KANK3: variants seen among roughly 807,000 people sequenced by gnomAD.
KANK3 encodes the protein KN motif and ankyrin repeat domains 3.
In KANK3, 61 loss-of-function variants were observed where a neutral mutation model predicts 65.4. The ratio of observed to expected loss-of-function variants is 0.93; its 90% CI spans 0.76 to 1.15. The LOEUF (loss-of-function observed/expected upper bound fraction) is 1.15, where lower values mean the gene tolerates loss of function less well. Ranked by LOEUF, KANK3 falls within the 50% of genes most tolerant of loss-of-function variation. The probability of loss-of-function intolerance (pLI) is 0.00; values close to 1 mark genes in which losing one functional copy is unlikely to be tolerated. For synonymous variants in KANK3, 586 were observed against 543.3 expected, an observed-to-expected ratio of 1.08 and a Z score of -1.09; for missense variants, 1,187 against 1,178.8, an observed-to-expected ratio of 1.01 and a Z score of -0.10.
chr19:8,342,692 G>A (rs530598561), intron 1 of KANK3, among the ~76,000 whole-genome samples: 9 of 147,400 alleles, frequency 6.1e-5, no homozygotes, highest in African/African-American at 1.5e-4. Flanking sequence ...GTGGGTGGGG[G>A]ACCGGTGGCG....
chr19:8,323,253 C>G (rs1441738976), intron 10 of KANK3: 1 of 193,378 alleles, frequency 5.2e-6, no homozygotes. Context: ...TAAGCTTGTT[C>G]AGAACGCCTT....
At chr19:8,329,585 G>A (rs1304965814) in intron 7 of KANK3, among the ~76,000 whole-genome samples, 3 of 151,468 alleles carry the variant, frequency 2.0e-5, no homozygotes, top group African/African-American at 7.3e-5. Flanking sequence ...AACAGCCTAG[G>A]CTCTGTTCCT....
Position 8,335,785 on chromosome 19 carries a change from G to T in KANK3, c.42C>A (p.Gly14=), listed in dbSNP as rs1970627631. The change falls in exon 3 of 11, where the codon GGC becomes GGA. Residue 14 remains glycine (G), a synonymous_variant. Transcript: ENST00000330915. The stretch of plus-strand genomic sequence containing the variant: ...CGGGGACCGGGCACAGGCGGGGGCC[G>T]CCCAGGTCTGGAGGCACGACGGGGG... ...FALNQNLPDL[G]GPRLCPVPAA... The T allele has an allele frequency of 8.1e-7, 1 of 1,235,882 alleles. No individual in the cohort carries two copies. The highest frequency in any genetic ancestry group is 3.2e-5 in the East Asian group (1 of 31,652). The allele number at this position is 1,235,882 out of a possible 1,614,324, so 76.6% of individuals were successfully genotyped here.
intron 1 of KANK3, among the ~76,000 whole-genome samples, chr19:8,340,799 C>G (rs960753190): frequency 2.6e-5 from 4 of 152,216 alleles, no homozygotes; most frequent in African/African-American, 9.6e-5. Context: ...CTTCCAGTCC[C>G]CAAGCAGCTG....
intron 7 of KANK3, chr19:8,332,623 C>G (rs1157482685): frequency 2.0e-5 from 3 of 153,114 alleles, no homozygotes; most frequent in South Asian, 2.1e-4. Flanking sequence ...TCAAGACCAT[C>G]CTGGCCAACA....
At chr19:8,331,475 C>A (rs1432164717) in intron 7 of KANK3, among the ~76,000 whole-genome samples, 1 of 152,114 alleles carries the variant, frequency 6.6e-6, no homozygotes, top group Non-Finnish European at 1.5e-5. Flanking sequence ...TGGGGGCAGG[C>A]AGTGGGACCC....
chr19:8,325,879 T>C (rs1045346996), intron 7 of KANK3, among the ~76,000 whole-genome samples: 1 of 151,398 alleles, frequency 6.6e-6, no homozygotes, highest in African/African-American at 2.5e-5. Flanking sequence ...CAGGCTGGAG[T>C]GCAGTGGCAC....
chr19:8,334,851 C>T lies in KANK3; in HGVS notation c.976G>A (p.Gly326Ser). 1 of 1,468,692 alleles carries T rather than the reference C, an allele frequency of 6.8e-7. No individual in the cohort carries two copies. 91.0% of individuals were successfully genotyped at this position (1,468,692 alleles called of 1,614,324 possible). The part of the protein sequence containing the change: ...AQAVPETREA[G>S]VEAAPETVEA... The stretch of plus-strand genomic sequence containing the variant: ...ACGGTCTCGGGGGCAGCCTCCACGC[C>T]GGCCTCCCGGGTCTCCGGCACGGCC... The change falls in exon 3 of 11, where the codon GGC becomes AGC. Residue 326 changes from glycine (G) to serine (S), a missense_variant. Transcript: ENST00000330915.
intron 2 of KANK3, among the ~76,000 whole-genome samples, 160 bp from the exon 3 acceptor site, chr19:8,335,952 T>C (rs2145435956): frequency 6.6e-6 from 1 of 152,346 alleles, no homozygotes; most frequent in Non-Finnish European, 1.5e-5. Context: ...TACTCTGTGC[T>C]AAGCAAGTTT....
chr19:8,341,001 G>T (rs1458342075), intron 1 of KANK3, among the ~76,000 whole-genome samples: 1 of 152,074 alleles, frequency 6.6e-6, no homozygotes, highest in African/African-American at 2.4e-5. Flanking sequence ...TGACGCAATG[G>T]GGTCAGCGTC....
chr19:8,324,376 A>G (rs1599638846), intron 10 of KANK3, 73 bp downstream of exon 10: 26 of 1,355,328 alleles, frequency 1.9e-5, no homozygotes, highest in Non-Finnish European at 2.6e-5. Context: ...AGGGAGGCTC[A>G]GGGCATATTT....
rs1304672045 is a variant in KANK3, at chr19:8,333,996, C to T, written c.1548G>A (p.Ser516=). 15 of 1,558,662 alleles carry T rather than the reference C, an allele frequency of 9.6e-6. No homozygotes were observed. The part of the protein sequence containing the change: ...SGDDSGGGSD[S]GTPGPPSGGD... ...CGCCGCTGGGAGGGCCAGGGGTGCC[C>T]GAGTCGGATCCCCCGCCGCTGTCAT... The change falls in exon 5 of 11, where the codon TCG becomes TCA. Residue 516 remains serine (S), a synonymous_variant. Coordinates refer to ENST00000330915, the MANE Select transcript of KANK3 (RefSeq NM_198471.3). This position sits in a 1 kb window ranked among gnomAD's most constrained non-coding sequence, Gnocchi z 5.0.
At chr19:8,338,691 C>T (rs1364939942) in intron 1 of KANK3, among the ~76,000 whole-genome samples, 1 of 151,512 alleles carries the variant, frequency 6.6e-6, no homozygotes, top group Non-Finnish European at 1.5e-5. Context: ...CTGGTTAACA[C>T]GGTGAAACCC....
At chr19:8,332,987 T>TCCCCCCCCCC in intron 7 of KANK3, 27 bp downstream of exon 7, 2 of 395,198 alleles carry the variant, frequency 5.1e-6, no homozygotes, top group Non-Finnish European at 4.8e-6. Context: ...TTTCCTGGTG[T>TCCCCCCCCCC]CCCACCCACC....
chr19:8,338,672 G>A (rs893997170), intron 1 of KANK3, among the ~76,000 whole-genome samples: 1 of 151,712 alleles, frequency 6.6e-6, no homozygotes, highest in Non-Finnish European at 1.5e-5. Flanking sequence ...TCAGGAGATC[G>A]AGACCATCCT....
chr19:8,334,062 G>T lies in KANK3; in HGVS notation c.1482C>A (p.Asn494Lys). ...AGCTACCCGGGGGCTCGGCGCCACC[G>T]TTCTCGCTGTCGCCATCGCTGTCGC... ...DASDSDGDSE[N>K]GGAEPPGSSS... Residue 494 changes from asparagine (N) to lysine (K), a missense_variant, in exon 5 of 11, where the codon AAC becomes AAA. Physicochemically the swap from Asn to Lys is moderately conservative, Grantham distance 94. Coordinates refer to ENST00000330915, the MANE Select transcript of KANK3 (RefSeq NM_198471.3). 6.6e-7 allele frequency: 1 copy of T among 1,515,040 alleles called. No individual in the cohort carries two copies. Among genetic ancestry groups the T allele is most frequent in the Non-Finnish European group, 8.8e-7 (1 of 1,138,650 alleles). 93.8% of individuals were successfully genotyped at this position (1,515,040 alleles called of 1,614,324 possible). A position where few individuals can be genotyped will look rare whatever the true frequency, so the allele number is the denominator to read the frequency against.
At chr19:8,327,545 C>A (rs1233543921) in intron 7 of KANK3, among the ~76,000 whole-genome samples, 1 of 152,086 alleles carries the variant, frequency 6.6e-6, no homozygotes, top group Non-Finnish European at 1.5e-5. Context: ...GCAGGAGAAT[C>A]ACTTGAACAT....
At chr19:8,336,534 C>A (rs1165398833) in intron 2 of KANK3, among the ~76,000 whole-genome samples, 2 of 151,268 alleles carry the variant, frequency 1.3e-5, no homozygotes, top group African/African-American at 4.9e-5. Context: ...CTTAGGAGTT[C>A]GAGACAAACC....
At position 8,335,016 on chromosome 19, in the gene KANK3, T is replaced by G. The variant is rs1375191569; in HGVS notation, c.811A>C (p.Ser271Arg). ...CGCCCTGCAGCCAGGCCGTCTGGGCTGTCAGCCCGGGGGCTGGCCCTGGCA... is the reference window on the plus strand; with the variant it reads ...CGCCCTGCAGCCAGGCCGTCTGGGCGGTCAGCCCGGGGGCTGGCCCTGGCA... ...GRARASPRAD[S>R]PDGLAAGRSE... The change falls in exon 3 of 11, where the codon AGC becomes CGC. Residue 271 changes from serine to arginine, a missense_variant. Transcript: ENST00000330915. 1.4e-6 allele frequency: 2 copies of G among 1,459,478 alleles called. No individual in the cohort carries two copies. Among genetic ancestry groups the G allele is most frequent in the African/African-American group, 3.0e-5 (2 of 67,466 alleles). 90.4% of individuals were successfully genotyped at this position (1,459,478 alleles called of 1,614,324 possible). A position where few individuals can be genotyped will look rare whatever the true frequency, so the allele number is the denominator to read the frequency against.
Sources: gnomAD v4.1 joint callset for allele counts (sites outside exome capture counted in the v4.1 genomes callset) on GRCh38, gnomAD v4.1.1 for gene constraint, Gnocchi (gnomAD v3.1) non-coding constraint, MANE v1.5 for transcripts, NCBI Gene and HGNC (gene_info 2026-07-23, HGNC 2026-07-21) for gene names.